WDR35: variants seen among roughly 807,000 people sequenced by gnomAD.
The protein encoded by WDR35 is WD repeat-containing protein 35.
A neutral mutation model predicts 158.3 loss-of-function variants in WDR35; 118 were observed. That is an observed-to-expected ratio of 0.75 (90% CI 0.64 to 0.87). The LOEUF is 0.87. Among genes scored for constraint, WDR35 ranks in the 40% least tolerant of loss-of-function variants. WDR35 has a pLI of 0.00. For missense variants in WDR35, 1,263 were observed against 1,405.8 expected (o/e 0.90, Z 1.62); for synonymous variants, 448 against 476.1 (o/e 0.94, Z 0.77).
Position 19,932,331 on chromosome 2 carries a change from G to C in WDR35, c.2775C>G (p.Leu925=), listed in dbSNP as rs551066869. The C allele has an allele frequency of 6.2e-7, 1 of 1,613,290 alleles. No individual in the cohort carries two copies. The highest frequency in any genetic ancestry group is 2.2e-5 in the East Asian group (1 of 44,704). Reference sequence around the variant, plus strand: ...CAAAAAAGTAATTGGCTTTCCGATAGAGTTCTATGGCATCAAGAGTTTTAT... The same window carrying C: ...CAAAAAAGTAATTGGCTTTCCGATACAGTTCTATGGCATCAAGAGTTTTAT... ...EKNKTLDAIE[L]YRKANYFFDA... Residue 925 remains leucine, a synonymous_variant, in exon 23 of 27, where the codon CTC becomes CTG. Transcript: ENST00000281405.
chr2:19,968,219 C>G (rs1434404798), intron 9 of WDR35, among the ~76,000 whole-genome samples: 1 of 152,162 alleles, frequency 6.6e-6, no homozygotes, highest in Non-Finnish European at 1.5e-5. Context: ...CATGACATTC[C>G]TAATGATGTT....
intron 13 of WDR35, 57 bp downstream of exon 13, chr2:19,951,355 AATT>A: frequency 7.3e-7 from 1 of 1,362,180 alleles, no homozygotes; most frequent in Non-Finnish European, 1.0e-6. Flanking sequence ...TTCAAAATAA[AATT>A]ATAATATTTC....
At chr2:19,933,939 A>G (rs980374583) in intron 21 of WDR35, among the ~76,000 whole-genome samples, 2 of 152,094 alleles carry the variant, frequency 1.3e-5, no homozygotes, top group Non-Finnish European at 2.9e-5. Context: ...CTATAAAGAA[A>G]TGTCCTAGAG....
At chr2:19,942,107 TAAG>T in intron 16 of WDR35, among the ~76,000 whole-genome samples, 1 of 152,300 alleles carries the variant, frequency 6.6e-6, no homozygotes, top group East Asian at 1.9e-4. Context: ...CTTTAAAACA[TAAG>T]AATTTTCTCT....
At position 19,973,644 on chromosome 2, in the gene WDR35, C is replaced by G; in HGVS notation, c.801G>C (p.Val267=). 1.2e-6 allele frequency: 2 copies of G among 1,614,210 alleles called. No individual in the cohort carries two copies. Among genetic ancestry groups the G allele is most frequent in the Non-Finnish European group, 1.7e-6 (2 of 1,180,036 alleles). ...VGIQWNHMGS[V]LAVAGFQKAA... Reference sequence around the variant, plus strand: ...CCTTCTGGAAGCCTGCCACAGCTAACACGCTGCCCATGTGGTTCCACTGGA... The same window carrying G: ...CCTTCTGGAAGCCTGCCACAGCTAAGACGCTGCCCATGTGGTTCCACTGGA... Residue 267 remains valine, a synonymous_variant, in exon 8 of 27, where the codon GTG becomes GTC. Transcript: ENST00000281405.
At chr2:19,972,865 A>G (rs1672074259) in intron 8 of WDR35, among the ~76,000 whole-genome samples, 1 of 152,122 alleles carries the variant, frequency 6.6e-6, no homozygotes, top group African/African-American at 2.4e-5. Flanking sequence ...AAGACATTCA[A>G]AAAACGTATT....
intron 23 of WDR35, 72 bp from the exon 24 acceptor site, chr2:19,931,481 C>T (rs1311509047): frequency 6.4e-7 from 1 of 1,567,058 alleles, no homozygotes; most frequent in Non-Finnish European, 8.7e-7. Flanking sequence ...ATTTCCAAAA[C>T]TAACAAATTT....
At position 19,948,198 on chromosome 2, in the gene WDR35, C is replaced by A. The variant is rs1347143052; in HGVS notation, c.1490G>T (p.Cys497Phe). Residue 497 changes from cysteine (C) to phenylalanine (F), a missense_variant, in exon 14 of 27, where the codon TGT (cysteine) becomes TTT (phenylalanine). Cys to Phe is a radical substitution (Grantham distance 205). Transcript: ENST00000281405. ...TATCTTATCTGATGCAGTTATGGCACAAATTGGATCCCTTGTGCCCTAAAA... is the reference window on the plus strand; with the variant it reads ...TATCTTATCTGATGCAGTTATGGCAAAAATTGGATCCCTTGTGCCCTAAAA... ...KTIQGTRDPI[C>F]AITASDKILI... 6.2e-7 allele frequency: 1 copy of A among 1,610,054 alleles called. No individual in the cohort carries two copies. Among genetic ancestry groups the A allele is most frequent in the African/African-American group, 1.3e-5 (1 of 74,836 alleles).
intron 24 of WDR35, 46 bp downstream of exon 24, chr2:19,931,223 C>A (rs375930368): frequency 7.0e-5 from 99 of 1,415,502 alleles, no homozygotes; most frequent in Middle Eastern, 2.3e-4. Flanking sequence ...TTTTTTTTTT[C>A]TTAAACACTT....
chr2:19,930,530 A>T lies in WDR35; in HGVS notation c.2987T>A (p.Leu996Ter). The change falls in exon 25 of 27, where the codon TTG (leucine) becomes TAG (stop). Residue 996 changes from leucine to a stop codon, truncating the protein, a stop_gained. Transcript: ENST00000281405. LOFTEE classifies it high-confidence loss of function. ...SSEATSALAGLLEEEVLSTTD... is the reference protein window; with the variant it reads ...SSEATSALAG ...TGTAGACAGAACTTCTTCTTCCAGC[A>T]AACCAGCCAAGGCAGAAGTGGCCTA... is the stretch of plus-strand genomic sequence containing the variant. 1.9e-6 allele frequency: 3 copies of T among 1,614,148 alleles called. No homozygotes were observed. The highest frequency in any genetic ancestry group is 2.5e-6 in the Non-Finnish European group (3 of 1,180,030).
Position 19,989,240 on chromosome 2 carries a change from TC to T in WDR35, c.66del (p.Trp22Ter). 1 of 1,614,218 alleles carries T rather than the reference TC, an allele frequency of 6.2e-7. No individual in the cohort carries two copies. On this transcript the variant is annotated frameshift_variant, in exon 2 of 27. Transcript: ENST00000281405. LOFTEE classifies it high-confidence loss of function. ...CATGCTATGAACCCTTGTTCCTTGT[TC>T]CAGGATACACACTGCAGCTTCACGT... ...PNNVKLQCVSWNKEQGFIACG... is the reference protein window; with the variant it reads ...PNNVKLQCVSXNKEQGFIACG...
chr2:19,986,143 G>A (rs1186472522), intron 2 of WDR35, among the ~76,000 whole-genome samples: 3 of 152,180 alleles, frequency 2.0e-5, no homozygotes, highest in Non-Finnish European at 4.4e-5. Flanking sequence ...GAAAAGAGAA[G>A]ATTTCCAGCT....
intron 11 of WDR35, among the ~76,000 whole-genome samples, chr2:19,957,528 A>T (rs550107709): frequency 6.6e-6 from 1 of 152,004 alleles, no homozygotes; most frequent in Admixed American, 6.6e-5. Context: ...AAAAGAAAAA[A>T]ATTTGAAATA....
intron 10 of WDR35, among the ~76,000 whole-genome samples, chr2:19,963,184 C>T (rs1277236093): frequency 6.6e-6 from 1 of 152,146 alleles, no homozygotes; most frequent in Non-Finnish European, 1.5e-5. Context: ...ATTTTTAATA[C>T]CATTTTGTCG....
intron 25 of WDR35, among the ~76,000 whole-genome samples, chr2:19,928,286 G>A (rs547762551): frequency 2.6e-5 from 4 of 152,300 alleles, no homozygotes; most frequent in African/African-American, 9.6e-5. Flanking sequence ...CCATCCCTTC[G>A]TTTCCCATAA....
chr2:19,946,414 A>G (rs1438914147), intron 15 of WDR35, 47 bp downstream of exon 15: 1 of 1,457,520 alleles, frequency 6.9e-7, no homozygotes, highest in East Asian at 2.3e-5. Context: ...ATCCCAACTG[A>G]TCATTTCTAA....
intron 25 of WDR35, among the ~76,000 whole-genome samples, chr2:19,927,823 T>C (rs898348597): frequency 3.9e-5 from 6 of 152,212 alleles, no homozygotes; most frequent in Non-Finnish European, 7.3e-5. Context: ...AGTAATCCAT[T>C]AAAATGGATA....
rs1572322570 is a variant in WDR35 at position 19,930,427 on chromosome 2, A to G, written c.3090T>C (p.Tyr1030=). The G allele has an allele frequency of 6.2e-7, 1 of 1,614,160 alleles. No homozygotes were observed. Residue 1030 remains tyrosine, a synonymous_variant, in exon 25 of 27, where the codon TAT becomes TAC. Transcript: ENST00000281405. ...TCAGTGCAGTGTCCACACATCCCTC[A>G]TAGAGCTGCCTCTGTGCAAGTATAA... The part of the protein sequence containing the change: ...HFFILAQRQL[Y]EGCVDTALKT...
chr2:19,935,320 A>G, intron 21 of WDR35, 151 bp downstream of exon 21: 1 of 766,704 alleles, frequency 1.3e-6, no homozygotes. Flanking sequence ...TTTATATATT[A>G]CTTTATAATT....
Sources: gnomAD v4.1 joint callset for allele counts (sites outside exome capture counted in the v4.1 genomes callset) on GRCh38, gnomAD v4.1.1 for gene constraint, MANE v1.5 for transcripts, NCBI Gene and HGNC (gene_info 2026-07-23, HGNC 2026-07-21) for gene names.